Variants in MYO18B observed in about 807,000 individuals in gnomAD.
MYO18B encodes the protein unconventional myosin-XVIIIb.
In MYO18B, 204 loss-of-function variants were observed where a neutral mutation model predicts 273.0. The observed-to-expected ratio is 0.75, with a 90% CI of 0.67 to 0.84. MYO18B has a LOEUF of 0.84. Among genes scored for constraint, MYO18B ranks in the 40% least tolerant of loss-of-function variants. The pLI, the probability that MYO18B is intolerant of heterozygous loss-of-function variation, is 0.00. For synonymous variants in MYO18B, 1,330 were observed against 1,305.7 expected, an observed-to-expected ratio of 1.02 and a Z score of -0.40; for missense variants, 3,212 against 3,287.6, an observed-to-expected ratio of 0.98 and a Z score of 0.56.
intron 39 of MYO18B, among the ~76,000 whole-genome samples, chr22:25,982,914 T>G (rs936745681): frequency 2.0e-5 from 3 of 152,184 alleles, no homozygotes; most frequent in African/African-American, 7.2e-5. Flanking sequence ...ACCACCCAGA[T>G]AAGCCACTCC....
At chr22:25,867,148 T>TA (rs1219373868) in intron 21 of MYO18B, among the ~76,000 whole-genome samples, 14 of 152,210 alleles carry the variant, frequency 9.2e-5, no homozygotes, top group Admixed American at 6.5e-5. Flanking sequence ...ACATAAAAGT[T>TA]AATCTTAACC....
chr22:26,021,846 A>G (rs1284158286), intron 42 of MYO18B, among the ~76,000 whole-genome samples: 1 of 152,106 alleles, frequency 6.6e-6, no homozygotes, highest in Non-Finnish European at 1.5e-5. Flanking sequence ...GCTCTCTCCT[A>G]TATTCCTGGT....
Position 25,825,080 on chromosome 22 carries a change from CGTGCACACAT to C in MYO18B, c.2696-1328_2696-1319del, listed in dbSNP as rs564540989. Among the ~76,000 whole-genome samples, 876 of 152,270 alleles carry C rather than the reference CGTGCACACAT, an allele frequency of 5.8e-3. 6 individuals are homozygous for C. The highest frequency in any genetic ancestry group is 0.02 in the African/African-American group (828 of 41,524). On this transcript the variant is annotated intron_variant, in intron 13 of 43. Transcript: ENST00000335473. ...ACACACGCATAGACACAAGCACACA[CGTGCACACAT>C]ATGCACAGGCACAAACACCACACAC...
At chr22:25,753,842 G>T (rs140210718) in intron 1 of MYO18B, among the ~76,000 whole-genome samples, 1 of 152,198 alleles carries the variant, frequency 6.6e-6, no homozygotes, top group Non-Finnish European at 1.5e-5. Context: ...TGGATATACC[G>T]TCTTTAAGAA....
At chr22:25,896,057 G>A (rs1329191108) in intron 28 of MYO18B, among the ~76,000 whole-genome samples, 1 of 151,918 alleles carries the variant, frequency 6.6e-6, no homozygotes, top group East Asian at 1.9e-4. Context: ...TTGATAACAG[G>A]GTCGTGGGTG....
chr22:25,753,275 T>C (rs1276845515), intron 1 of MYO18B, among the ~76,000 whole-genome samples: 1 of 152,204 alleles, frequency 6.6e-6, no homozygotes, highest in Non-Finnish European at 1.5e-5. Flanking sequence ...AGAACTTTCA[T>C]GTCTAGCTAA....
chr22:25,955,927 A>G (rs538990246), intron 39 of MYO18B, among the ~76,000 whole-genome samples: 39 of 152,338 alleles, frequency 2.6e-4, no homozygotes, highest in Middle Eastern at 3.4e-3. Flanking sequence ...TGATGATTCA[A>G]GCCACCATGT....
At chr22:26,035,686 A>T (rs1936764744), downstream of MYO18B, among the ~76,000 whole-genome samples, 1 of 152,206 alleles carries the variant, frequency 6.6e-6, no homozygotes, top group South Asian at 2.1e-4. Flanking sequence ...GCTCCAGAAG[A>T]AAAGCTGTAT....
At chr22:25,902,545 GC>G in intron 29 of MYO18B, 67 bp from the exon 30 acceptor site, 1 of 1,534,216 alleles carries the variant, frequency 6.5e-7, no homozygotes, top group Non-Finnish European at 8.8e-7. Flanking sequence ...GCCCCTCCCT[GC>G]CCCTGCCTCA....
intron 42 of MYO18B, among the ~76,000 whole-genome samples, chr22:26,012,401 C>T (rs368256091): frequency 9.9e-4 from 151 of 152,306 alleles, no homozygotes; most frequent in African/African-American, 3.6e-3. Context: ...CCTGGAAATA[C>T]TTAATGAAAG....
At chr22:25,866,301 C>A (rs2090884467) in intron 21 of MYO18B, among the ~76,000 whole-genome samples, 3 of 152,258 alleles carry the variant, frequency 2.0e-5, no homozygotes, top group Middle Eastern at 6.8e-3. Context: ...AGTCACTAAG[C>A]AACCAGGCAC....
rs777180094 is a variant in MYO18B, at chr22:25,770,950, C to G, written c.1658C>G (p.Thr553Ser). Residue 553 changes from threonine to serine, a missense_variant, in exon 6 of 44, where the codon ACC becomes AGC. Transcript: ENST00000335473. ...AGACTTTGGATTGATGCTGACAAAACCATCACTGAGGTGGATGAGGAGCAT... is the reference window on the plus strand; with the variant it reads ...AGACTTTGGATTGATGCTGACAAAAGCATCACTGAGGTGGATGAGGAGCAT... ...RVRLWIDADK[T>S]ITEVDEEHVH... 9.7e-6 allele frequency: 15 copies of G among 1,552,230 alleles called. No homozygotes were observed. The East Asian group carries it at 2.9e-4, about 30-fold the overall frequency.
intron 34 of MYO18B, among the ~76,000 whole-genome samples, chr22:25,921,612 T>C (rs1433948857): frequency 1.3e-5 from 2 of 152,110 alleles, no homozygotes; most frequent in African/African-American, 4.8e-5. Context: ...AGGAGTCCTG[T>C]TCCCTTTTTC....
chr22:25,947,594 A>G (rs1484378116), intron 35 of MYO18B, 118 bp from the exon 36 acceptor site: 1 of 678,194 alleles, frequency 1.5e-6, no homozygotes. Flanking sequence ...ACTCTTAAAC[A>G]TTGATGGTCA....
At chr22:26,013,749 A>G (rs1422312880) in intron 42 of MYO18B, among the ~76,000 whole-genome samples, 3 of 152,172 alleles carry the variant, frequency 2.0e-5, no homozygotes, top group Non-Finnish European at 4.4e-5. Context: ...CTTCACTCAC[A>G]TTTCCCTGGT....
intron 42 of MYO18B, among the ~76,000 whole-genome samples, chr22:26,007,806 T>C (rs1934555421): frequency 6.6e-6 from 1 of 152,206 alleles, no homozygotes; most frequent in African/African-American, 2.4e-5. Flanking sequence ...TCTAGCTCTT[T>C]TTAATTGCAC....
At chr22:25,789,228 A>G (rs2087545486) in intron 11 of MYO18B, among the ~76,000 whole-genome samples, 1 of 151,724 alleles carries the variant, frequency 6.6e-6, no homozygotes, top group African/African-American at 2.4e-5. Context: ...CTAGCCACTC[A>G]GTTCCCATTC....
At chr22:26,019,580 A>C (rs1320673148) in intron 42 of MYO18B, among the ~76,000 whole-genome samples, 1 of 152,214 alleles carries the variant, frequency 6.6e-6, no homozygotes, top group Admixed American at 6.5e-5. Flanking sequence ...TGCCATGTCA[A>C]CTTTTGTTAC....
chr22:26,046,655 G>A, the MYO18B span, among the ~76,000 whole-genome samples: 884 of 152,268 alleles, frequency 5.8e-3, 6 homozygotes, highest in African/African-American at 0.019. Context: ...CTTGCCCCTA[G>A]CTGTCTGTTC....
Sources: allele counts gnomAD v4.1 joint callset (sites outside exome capture counted in the v4.1 genomes callset), GRCh38; gene constraint gnomAD v4.1.1; transcripts MANE v1.5; gene names NCBI Gene and HGNC (gene_info 2026-07-23, HGNC 2026-07-21).